Variants in SGCD observed in about 807,000 individuals in gnomAD.
SGCD encodes sarcoglycan delta, also known as delta-sarcoglycan.
A neutral mutation model predicts 36.6 loss-of-function variants in SGCD; 18 were observed. That is an observed-to-expected ratio of 0.49 (90% CI 0.34 to 0.73). The LOEUF (loss-of-function observed/expected upper bound fraction) is 0.73. Among genes scored for constraint, SGCD ranks in the 30% least tolerant of loss-of-function variants. The probability of loss-of-function intolerance (pLI) is 0.01; values close to 1 mark genes in which losing one functional copy is unlikely to be tolerated. For missense variants in SGCD, 387 were observed against 346.7 expected (o/e 1.12, Z -0.92); for synonymous variants, 133 against 130.6 (o/e 1.02, Z -0.12).
chr5:156,082,396 C>G (rs541882755), intron 1 of SGCD, among the ~76,000 whole-genome samples: 1 of 152,242 alleles, frequency 6.6e-6, no homozygotes, highest in African/African-American at 2.4e-5. Context: ...CTCTCAGCCC[C>G]TTACCCTCTA....
At chr5:156,323,964 T>G (rs1767741078), upstream of SGCD, among the ~76,000 whole-genome samples, 1 of 152,224 alleles carries the variant, frequency 6.6e-6, no homozygotes. Flanking sequence ...TTTCGCTAAG[T>G]GATTATCACA....
At chr5:155,971,483 C>A (rs1758005680) in intron 1 of SGCD, among the ~76,000 whole-genome samples, 1 of 152,052 alleles carries the variant, frequency 6.6e-6, no homozygotes, top group Non-Finnish European at 1.5e-5. Flanking sequence ...ATTCCCTATT[C>A]TTTTAAGTAT....
chr5:155,957,203 G>T (rs965163238), intron 1 of SGCD, among the ~76,000 whole-genome samples: 2 of 152,044 alleles, frequency 1.3e-5, no homozygotes, highest in Non-Finnish European at 2.9e-5. Context: ...GGGAAGAGAA[G>T]TGGGGAAGTC....
At chr5:155,732,138 C>T in the SGCD span, among the ~76,000 whole-genome samples, 1 of 152,156 alleles carries the variant, frequency 6.6e-6, no homozygotes, top group African/African-American at 2.4e-5. Context: ...CTAACAGGTA[C>T]TGAGGACTCC....
At chr5:156,723,375 C>T (rs1755607684) in intron 7 of SGCD, among the ~76,000 whole-genome samples, 1 of 152,210 alleles carries the variant, frequency 6.6e-6, no homozygotes, top group Non-Finnish European at 1.5e-5. Flanking sequence ...TTCACTTACT[C>T]ATTCAACACC....
intron 3 of SGCD, among the ~76,000 whole-genome samples, chr5:156,423,341 T>TATTATAATTTTATTATAATATA (rs1561685719): frequency 2.9e-4 from 4 of 14,024 alleles, no homozygotes; most frequent in African/African-American, 1.8e-3. Flanking sequence ...TATAATATAA[T>TATTATAATTTTATTATAATATA]ATATTATAAT....
At chr5:155,833,053 CGAAAAA>C in the SGCD span, among the ~76,000 whole-genome samples, 1 of 90,336 alleles carries the variant, frequency 1.1e-5, no homozygotes, top group African/African-American at 4.0e-5. Flanking sequence ...ACTAAAAATA[CGAAAAA>C]AAAAAAAAAA....
At chr5:156,502,038 C>CTTT (rs34669004) in intron 3 of SGCD, among the ~76,000 whole-genome samples, 15 of 141,082 alleles carry the variant, frequency 1.1e-4, no homozygotes, top group Admixed American at 4.3e-4. Context: ...GATATTCTCT[C>CTTT]TTTTTTTTTT....
intron 1 of SGCD, among the ~76,000 whole-genome samples, chr5:155,999,336 G>A (rs79249179): frequency 0.018 from 2,665 of 152,282 alleles, 88 homozygotes; most frequent in African/African-American, 0.06. Flanking sequence ...ATGCCACACG[G>A]ATGGGTTTGG....
rs1764203504 is a variant in SGCD at position 156,203,668 on chromosome 5, AC to A, written c.-44+79650del. On this transcript the variant is annotated intron_variant, in intron 3 of 9. Transcript: ENST00000517913. ...TAAAGTCCCTCAAAATAATTTATAGACAGTTCCTGGAGACTTCTAGCTGGAA... is the reference window on the plus strand; with the variant it reads ...TAAAGTCCCTCAAAATAATTTATAGAAGTTCCTGGAGACTTCTAGCTGGAA... 3.3e-5 allele frequency among the ~76,000 whole-genome samples: 5 copies of A among 152,262 alleles called. No homozygotes were observed. In the South Asian group the frequency reaches 1.0e-3, roughly 32 times the overall value.
the SGCD span, among the ~76,000 whole-genome samples, chr5:155,823,700 T>A: frequency 6.6e-6 from 1 of 152,236 alleles, no homozygotes; most frequent in African/African-American, 2.4e-5. Context: ...TTCTGGTGAC[T>A]AGCTGCACAT....
At chr5:155,978,390 A>T (rs1243926596) in intron 1 of SGCD, among the ~76,000 whole-genome samples, 2 of 152,234 alleles carry the variant, frequency 1.3e-5, no homozygotes, top group East Asian at 3.8e-4. Flanking sequence ...GAATAAAAGG[A>T]AAAATATTTT....
At position 156,327,645 on chromosome 5, in the gene SGCD, TTTG is replaced by T. The variant is rs373502264; in HGVS notation, c.-44+425_-44+427del. Among the ~76,000 whole-genome samples the T allele has an allele frequency of 6.2e-3, 952 of 152,324 alleles. 5 individuals are homozygous for T. The highest frequency in any genetic ancestry group is 0.048 in the Middle Eastern group (14 of 294). On this transcript the variant is annotated intron_variant, in intron 1 of 8. Transcript: ENST00000337851. Reference sequence around the variant, plus strand: ...TCGCAAGAGTTTTAATGGGGAGTTTTTTGTTGTTGTTGTTTTTTAATAGTAGAA... The same window carrying T: ...TCGCAAGAGTTTTAATGGGGAGTTTTTTGTTGTTGTTTTTTAATAGTAGAA...
Position 156,713,410 on chromosome 5 carries a change from C to CGG in SGCD, c.576-44164_576-44163dup, listed in dbSNP as rs879815469. Among the ~76,000 whole-genome samples the CGG allele has an allele frequency of 3.7e-3, 538 of 144,744 alleles. 4 individuals are homozygous for CGG. The highest frequency in any genetic ancestry group is 0.013 in the African/African-American group (480 of 37,428). The allele number at this position is 144,744 out of a possible 152,430, so 95.0% of individuals were successfully genotyped here. ...GGAAGAATATGGACTTTGAACATGT[C>CGG]GGGGGGGGCGTTATAGGAGGGAGAG... is the stretch of plus-strand genomic sequence containing the variant. On this transcript the variant is annotated intron_variant, in intron 7 of 8. Coordinates refer to ENST00000337851, the MANE Select transcript of SGCD (RefSeq NM_000337.6).
the SGCD span, among the ~76,000 whole-genome samples, chr5:155,734,879 C>T: frequency 4.6e-5 from 7 of 152,272 alleles, 1 homozygote; most frequent in Admixed American, 4.6e-4. Context: ...CCCTTGAGTC[C>T]TCAAAGACTG....
chr5:156,615,157 A>G (rs1158939650), intron 6 of SGCD, among the ~76,000 whole-genome samples: 1 of 152,238 alleles, frequency 6.6e-6, no homozygotes, highest in Non-Finnish European at 1.5e-5. Flanking sequence ...GGTAAGCAAC[A>G]TAAAGGCCAG....
At chr5:156,641,789 T>C (rs931377402) in intron 6 of SGCD, among the ~76,000 whole-genome samples, 6 of 152,094 alleles carry the variant, frequency 3.9e-5, no homozygotes, top group Non-Finnish European at 8.8e-5. Flanking sequence ...CCCATTAGTT[T>C]TTCTCTTAAA....
At chr5:155,916,258 G>A (rs1038689546) in intron 1 of SGCD, among the ~76,000 whole-genome samples, 15 of 151,940 alleles carry the variant, frequency 9.9e-5, no homozygotes, top group Non-Finnish European at 1.8e-4. Context: ...TTAATTATTT[G>A]TAGCAAAACA....
At chr5:156,173,414 T>C (rs1442470531) in intron 3 of SGCD, among the ~76,000 whole-genome samples, 1 of 152,140 alleles carries the variant, frequency 6.6e-6, no homozygotes, top group East Asian at 1.9e-4. Context: ...AACCCACAAA[T>C]TAATGTCTTT....
Sources: allele counts gnomAD v4.1 joint callset (sites outside exome capture counted in the v4.1 genomes callset), GRCh38; gene constraint gnomAD v4.1.1; transcripts MANE v1.5; gene names NCBI Gene and HGNC (gene_info 2026-07-23, HGNC 2026-07-21).